Variants in MAST1 observed in about 807,000 individuals in gnomAD.
MAST1 encodes the protein microtubule-associated serine/threonine-protein kinase 1.
A neutral mutation model predicts 124.6 loss-of-function variants in MAST1; 40 were observed. The observed-to-expected ratio is 0.32, with a 90% CI of 0.25 to 0.42. The LOEUF is 0.42. Among genes scored for constraint, MAST1 ranks in the 10% least tolerant of loss-of-function variants. MAST1 has a pLI of 1.00. For missense variants in MAST1, 1,558 were observed against 2,181.9 expected (o/e 0.71, Z 5.70); for synonymous variants, 938 against 939.4 (o/e 1.00, Z 0.03).
At chr19:12,863,375 C>T (rs1390498560) in intron 12 of MAST1, among the ~76,000 whole-genome samples, 5 of 151,878 alleles carry the variant, frequency 3.3e-5, no homozygotes, top group African/African-American at 9.7e-5. Flanking sequence ...ATTCCTGGGC[C>T]CCACCCTCAG....
intron 10 of MAST1, among the ~76,000 whole-genome samples, chr19:12,854,978 C>A (rs2145898111): frequency 6.6e-6 from 1 of 152,270 alleles, no homozygotes; most frequent in African/African-American, 2.4e-5. Context: ...CGGCTGTAAT[C>A]CCAGCACTTT....
intron 10 of MAST1, among the ~76,000 whole-genome samples, chr19:12,853,871 AAATAATAATAATAAT>A (rs58815071): frequency 0.038 from 5,484 of 142,930 alleles, 161 homozygotes; most frequent in Admixed American, 0.057. Context: ...CTCTGTCTCA[AAATAATAATAATAAT>A]AATAATAATA....
chr19:12,849,798 T>C (rs528815272), intron 7 of MAST1, among the ~76,000 whole-genome samples: 5 of 152,132 alleles, frequency 3.3e-5, no homozygotes, highest in Non-Finnish European at 4.4e-5. Flanking sequence ...ATTTATTTAT[T>C]TATTTTATTT....
Position 12,853,871 on chromosome 19 carries a change from AAATAATAATAAT to A in MAST1, c.1077+1504_1077+1515del, listed in dbSNP as rs58815071. On this transcript the variant is annotated intron_variant, in intron 10 of 25. Transcript: ENST00000251472. ...GGCAACAGAGCGAGACTCTGTCTCA[AAATAATAATAAT>A]AATAATAATAATAATAATAATAATA... 2.2e-3 allele frequency among the ~76,000 whole-genome samples: 317 copies of A among 142,938 alleles called. 1 individual carries two copies. Among genetic ancestry groups the A allele is most frequent in the African/African-American group, 2.8e-3 (111 of 38,986 alleles). 93.8% of individuals were successfully genotyped at this position (142,938 alleles called of 152,430 possible).
At chr19:12,846,445 C>T (rs1419212256) in intron 4 of MAST1, among the ~76,000 whole-genome samples, 1 of 151,934 alleles carries the variant, frequency 6.6e-6, no homozygotes, top group Non-Finnish European at 1.5e-5. Flanking sequence ...CAGAGGAGGT[C>T]TTCCCGAGGG....
At chr19:12,856,939 C>G (rs1284359217) in intron 10 of MAST1, among the ~76,000 whole-genome samples, 3 of 152,184 alleles carry the variant, frequency 2.0e-5, no homozygotes, top group Non-Finnish European at 4.4e-5. Flanking sequence ...GTAATTTACA[C>G]TCCCAACAGC....
At chr19:12,839,685 C>T (rs1969802846) in intron 1 of MAST1, among the ~76,000 whole-genome samples, 1 of 152,144 alleles carries the variant, frequency 6.6e-6, no homozygotes, top group African/African-American at 2.4e-5. Flanking sequence ...CACACCCAGA[C>T]GGAAGGACAG....
chr19:12,848,452 T>A (rs1969923318), intron 7 of MAST1: 2 of 191,380 alleles, frequency 1.0e-5, no homozygotes, highest in Admixed American at 1.1e-4. Context: ...ACCCCGTCTC[T>A]ACTAAAAACA....
At chr19:12,859,596 C>T (rs1363869555) in intron 12 of MAST1, among the ~76,000 whole-genome samples, 1 of 151,848 alleles carries the variant, frequency 6.6e-6, no homozygotes, top group Non-Finnish European at 1.5e-5. Context: ...GTCAGGGGTT[C>T]AAGACCAGCC....
rs1439381916 is a variant in MAST1 at position 12,867,616 on chromosome 19, T to C, written c.2282T>C (p.Leu761Pro). 6.2e-7 allele frequency: 1 copy of C among 1,610,730 alleles called. No homozygotes were observed. The highest frequency in any genetic ancestry group is 1.1e-5 in the South Asian group (1 of 90,824). The change falls in exon 19 of 26, where the codon CTG (leucine) becomes CCG (proline). Residue 761 changes from leucine to proline, a missense_variant. This residue lies in a region of MAST1 where 287 missense variants were observed against 308.0 expected (regional missense o/e 0.93). Transcript: ENST00000251472. ...GKREGLGGLTLREKTWRGGSP... is the reference protein window; with the variant it reads ...GKREGLGGLTPREKTWRGGSP... Reference sequence around the variant, plus strand: ...CGGGAGGGGCTGGGCGGCCTGACCCTGCGTGAGAAGACCTGGAGAGGGGGC... The same window carrying C: ...CGGGAGGGGCTGGGCGGCCTGACCCCGCGTGAGAAGACCTGGAGAGGGGGC...
chr19:12,870,477 C>A (rs11672390), intron 22 of MAST1, among the ~76,000 whole-genome samples: 43,788 of 132,756 alleles, frequency 0.33, 7,269 homozygotes, highest in East Asian at 0.62. Flanking sequence ...GGTGACAGAG[C>A]GAGAGACTCC....
rs73925234 is a variant in MAST1, at chr19:12,873,159, G to C, written c.3264-165G>C. 2,551 of 652,944 alleles carry C rather than the reference G, an allele frequency of 3.9e-3. 42 individuals are homozygous for C. The African/African-American group carries it at 0.041, about 10-fold the overall frequency. 40.4% of individuals were successfully genotyped at this position (652,944 alleles called of 1,614,324 possible). A position where few individuals can be genotyped will look rare whatever the true frequency, so the allele number is the denominator to read the frequency against. On this transcript the variant is annotated intron_variant, in intron 24 of 25. Coordinates refer to ENST00000251472, the MANE Select transcript of MAST1 (RefSeq NM_014975.3). Reference sequence around the variant, plus strand: ...TGGGGACTGAAGTGGGAGGAGCCAAGCAGCACTGAGCTAAAGGAAGTTCTT... The same window carrying C: ...TGGGGACTGAAGTGGGAGGAGCCAACCAGCACTGAGCTAAAGGAAGTTCTT...
rs1969827780 is a variant in MAST1, at chr19:12,841,532, G to T, written c.248+466G>T. Among the ~76,000 whole-genome samples the T allele has an allele frequency of 6.6e-6, 1 of 152,220 alleles. No individual in the cohort carries two copies. Among genetic ancestry groups the T allele is most frequent in the Non-Finnish European group, 1.5e-5 (1 of 68,032 alleles). On this transcript the variant is annotated intron_variant, in intron 3 of 25. Coordinates refer to ENST00000251472, the MANE Select transcript of MAST1 (RefSeq NM_014975.3). This position sits in a 1 kb window ranked among gnomAD's most constrained non-coding sequence, Gnocchi z 4.3. Reference sequence around the variant, plus strand: ...TTCCAAGGGTCTCTTAGGGTTTCTGGGGTGTCCTTAAATGAATTTTCTATG... The same window carrying T: ...TTCCAAGGGTCTCTTAGGGTTTCTGTGGTGTCCTTAAATGAATTTTCTATG...
intron 7 of MAST1, chr19:12,848,349 G>T (rs1271726512): frequency 2.7e-6 from 1 of 369,676 alleles, no homozygotes; most frequent in Non-Finnish European, 5.1e-6. Flanking sequence ...GCCGGGCTCG[G>T]TGGCTCAGGC....
Position 12,873,981 on chromosome 19 carries a change from G to A in MAST1, c.3824G>A (p.Ser1275Asn), listed in dbSNP as rs926949722. 6.2e-7 allele frequency: 1 copy of A among 1,602,138 alleles called. No individual in the cohort carries two copies. Among genetic ancestry groups the A allele is most frequent in the South Asian group, 1.1e-5 (1 of 90,634 alleles). Residue 1275 changes from serine to asparagine, a missense_variant, in exon 26 of 26, where the codon AGT becomes AAT. Around this residue, in one of 10 missense-constraint regions of MAST1, gnomAD observed 263 missense variants for 310.9 expected, o/e 0.85. Coordinates refer to ENST00000251472, the MANE Select transcript of MAST1 (RefSeq NM_014975.3). ...QSAEKLGASLSADKKGALRKH... is the reference protein window; with the variant it reads ...QSAEKLGASLNADKKGALRKH... ...GCCGAGAAGCTGGGAGCCTCTTTGA[G>A]TGCGGACAAGAAGGGCGCGCTGCGC...
In MAST1 at chr19:12,867,961, CG is replaced by C; in HGVS notation, c.2554del (p.Asp852ThrfsTer47). 6 of 1,554,914 alleles carry C rather than the reference CG, an allele frequency of 3.9e-6. No individual in the cohort carries two copies. Among genetic ancestry groups the C allele is most frequent in the Admixed American group, 2.1e-5 (1 of 48,164 alleles). ...CTCAAGGGGAAGGCACCTCCAGCGCCGGGGACTCCGAGGCCAGTGAGTGCCC... is the reference window on the plus strand; with the variant it reads ...CTCAAGGGGAAGGCACCTCCAGCGCCGGGACTCCGAGGCCAGTGAGTGCCC... ...ETQGEGTSSA[G>X]DSEATDRPRP... On this transcript the variant is annotated frameshift_variant, in exon 20 of 26. Coordinates refer to ENST00000251472, the MANE Select transcript of MAST1 (RefSeq NM_014975.3). LOFTEE classifies it high-confidence loss of function.
intron 10 of MAST1, 28 bp downstream of exon 10, chr19:12,852,423 AC>A: frequency 1.3e-6 from 2 of 1,568,554 alleles, no homozygotes; most frequent in African/African-American, 1.4e-5. Flanking sequence ...AGCGGTCAGT[AC>A]CCTGGTTCCT....
intron 12 of MAST1, among the ~76,000 whole-genome samples, chr19:12,864,281 G>C (rs1970121819): frequency 6.6e-6 from 1 of 151,876 alleles, no homozygotes; most frequent in African/African-American, 2.4e-5. Context: ...TGTAGTCCCA[G>C]CTACTCAGGA....
At chr19:12,851,887 G>A (rs371063051) in intron 7 of MAST1, 47 bp from the exon 8 acceptor site, 1 of 1,464,668 alleles carries the variant, frequency 6.8e-7, no homozygotes, top group Non-Finnish European at 9.5e-7. Flanking sequence ...GGGCCGGGCT[G>A]AGGCAGAGTG....
Sources: gnomAD v4.1 joint callset for allele counts (sites outside exome capture counted in the v4.1 genomes callset) on GRCh38, gnomAD v4.1.1 for gene constraint, gnomAD v4.1.1 regional missense constraint, Gnocchi (gnomAD v3.1) non-coding constraint, MANE v1.5 for transcripts, NCBI Gene and HGNC (gene_info 2026-07-23, HGNC 2026-07-21) for gene names.